The following SLC15A4 variants were observed in gnomAD, a reference collection of about 807,000 sequenced individuals.
SLC15A4 encodes solute carrier family 15 member 4.
In SLC15A4, 26 loss-of-function variants were observed where a neutral mutation model predicts 46.1. That is an observed-to-expected ratio of 0.56 (90% CI 0.41 to 0.78). The LOEUF (loss-of-function observed/expected upper bound fraction) is 0.78. Ranked by LOEUF, SLC15A4 falls within the 30% of genes least tolerant of loss-of-function variation. The probability of loss-of-function intolerance (pLI) is 0.00; values close to 1 mark genes in which losing one functional copy is unlikely to be tolerated. For missense variants in SLC15A4, 751 were observed against 755.7 expected (o/e 0.99, Z 0.07); for synonymous variants, 370 against 333.4 (o/e 1.11, Z -1.20).
intron 1 of SLC15A4, 99 bp downstream of exon 1, chr12:128,823,299 T>C: frequency 8.5e-7 from 1 of 1,175,478 alleles, no homozygotes; most frequent in South Asian, 2.1e-5. Context: ...GGCAAGGGGC[T>C]CCCTCCGCGG....
chr12:128,793,407 A>C lies in SLC15A4; in HGVS notation c.*789T>G, dbSNP rs950746041. On this transcript the variant is annotated 3_prime_UTR_variant, in exon 8 of 8. Transcript: ENST00000266771. ...TCAAAAGAATGTTTTCCTTACATACAACCATGATCAGTCTTTAGTCTCAAT... is the reference window on the plus strand; with the variant it reads ...TCAAAAGAATGTTTTCCTTACATACCACCATGATCAGTCTTTAGTCTCAAT... The C allele has an allele frequency of 6.6e-6, 1 of 152,220 alleles. No individual in the cohort carries two copies. The highest frequency in any genetic ancestry group is 1.5e-5 in the Non-Finnish European group (1 of 68,046). 9.4% of individuals were successfully genotyped at this position (152,220 alleles called of 1,614,324 possible). A position where few individuals can be genotyped will look rare whatever the true frequency, so the allele number is the denominator to read the frequency against.
intron 6 of SLC15A4, among the ~76,000 whole-genome samples, chr12:128,800,589 T>C (rs1955506389): frequency 6.6e-6 from 1 of 152,214 alleles, no homozygotes; most frequent in Non-Finnish European, 1.5e-5. Flanking sequence ...CCACGATTGC[T>C]TTCTTCTTCT....
At chr12:128,794,377 G>A in intron 7 of SLC15A4, 21 bp from the exon 8 acceptor site, 1 of 1,600,184 alleles carries the variant, frequency 6.2e-7, no homozygotes, top group Non-Finnish European at 8.5e-7. Flanking sequence ...CAAAAGGAAA[G>A]CGGCAGGTAA....
chr12:128,799,916 A>T (rs1955495298), intron 6 of SLC15A4, among the ~76,000 whole-genome samples: 2 of 152,234 alleles, frequency 1.3e-5, no homozygotes, highest in South Asian at 4.2e-4. Context: ...ATCTTGGCTC[A>T]CCGCAACTTC....
chr12:128,823,291 C>G (rs1955876043), intron 1 of SLC15A4, 107 bp downstream of exon 1: 1 of 1,125,706 alleles, frequency 8.9e-7, no homozygotes, highest in Admixed American at 4.1e-5. Context: ...CCCCCCGGGG[C>G]AAGGGGCTCC....
intron 5 of SLC15A4, among the ~76,000 whole-genome samples, chr12:128,804,328 A>G (rs191544685): frequency 1.0e-3 from 155 of 152,402 alleles, no homozygotes; most frequent in Non-Finnish European, 1.8e-3. Context: ...AAAACAAGAA[A>G]GAGAACATTA....
In SLC15A4 at chr12:128,823,438, G is replaced by A. The variant is rs1955879402; in HGVS notation, c.506C>T (p.Ala169Val). 6.8e-7 allele frequency: 1 copy of A among 1,462,490 alleles called. No individual in the cohort carries two copies. The highest frequency in any genetic ancestry group is 9.0e-7 in the Non-Finnish European group (1 of 1,114,924). The allele number at this position is 1,462,490 out of a possible 1,614,324, so 90.6% of individuals were successfully genotyped here. A position where few individuals can be genotyped will look rare whatever the true frequency, so the allele number is the denominator to read the frequency against. Residue 169 changes from alanine (A) to valine (V), a missense_variant, in exon 1 of 8, where the codon GCC becomes GTC. Ala to Val is a moderately conservative substitution (Grantham distance 64, BLOSUM62 0). Coordinates refer to ENST00000266771, the MANE Select transcript of SLC15A4 (RefSeq NM_145648.4). ...GGGCGTGATGTTGGCCTTGACGGTG[G>A]CCACGCCCAGGCCCACCAGCACCAG... is the stretch of plus-strand genomic sequence containing the variant. ...AGLVLVGLGV[A>V]TVKANITPFG...
chr12:128,806,165 CA>C lies in SLC15A4; in HGVS notation c.1258+2622del, dbSNP rs765448653. On this transcript the variant is annotated intron_variant, in intron 5 of 7. Coordinates refer to ENST00000266771, the MANE Select transcript of SLC15A4 (RefSeq NM_145648.4). Reference sequence around the variant, plus strand: ...AGCCTGGGCGACAGAGACTCTGTCTCAAAAAAAAAAAAAAAAAGAAAAACCT... The same window carrying C: ...AGCCTGGGCGACAGAGACTCTGTCTCAAAAAAAAAAAAAAAAGAAAAACCT... 5.3e-4 allele frequency among the ~76,000 whole-genome samples: 46 copies of C among 86,294 alleles called. 1 individual carries two copies. The highest frequency in any genetic ancestry group is 1.0e-3 in the Admixed American group (7 of 7,000). The allele number at this position is 86,294 out of a possible 152,430, so 56.6% of individuals were successfully genotyped here.
chr12:128,823,830 C>A lies in SLC15A4; in HGVS notation c.114G>T (p.Gly38=). ...CCAGCAGCTCCGTCAGCAGCACGGC[C>A]CCGCACGCCGCGCGCCGGCCCGCGA... ...GAFAGRRAAC[G]AVLLTELLER... Residue 38 remains glycine (G), a synonymous_variant, in exon 1 of 8, where the codon GGG becomes GGT. Coordinates refer to ENST00000266771, the MANE Select transcript of SLC15A4 (RefSeq NM_145648.4). 1 of 1,366,310 alleles carries A rather than the reference C, an allele frequency of 7.3e-7. No homozygotes were observed. Among genetic ancestry groups the A allele is most frequent in the Non-Finnish European group, 9.5e-7 (1 of 1,048,756 alleles). 84.6% of individuals were successfully genotyped at this position (1,366,310 alleles called of 1,614,324 possible).
intron 5 of SLC15A4, among the ~76,000 whole-genome samples, chr12:128,803,255 G>A (rs145260205): frequency 6.6e-6 from 1 of 152,224 alleles, no homozygotes; most frequent in East Asian, 1.9e-4. Flanking sequence ...TAAAGGAGAG[G>A]ACAGGCCAGG....
intron 2 of SLC15A4, chr12:128,813,264 A>C (rs4760534): frequency 1 from 151,432 of 151,632 alleles, 75,616 homozygotes; most frequent in Middle Eastern, 1. Flanking sequence ...TGGCTCACTG[A>C]AGCCTTGACC....
intron 5 of SLC15A4, among the ~76,000 whole-genome samples, chr12:128,804,503 G>A (rs1251519255): frequency 3.3e-5 from 5 of 152,186 alleles, no homozygotes; most frequent in African/African-American, 1.2e-4. Flanking sequence ...AGGCCAAGGT[G>A]GGCAGATCAC....
chr12:128,821,560 T>C (rs1008550091), intron 1 of SLC15A4, among the ~76,000 whole-genome samples: 6 of 152,196 alleles, frequency 3.9e-5, no homozygotes, highest in African/African-American at 1.4e-4. Flanking sequence ...AAATTTTCAC[T>C]GGTCACAAAT....
chr12:128,820,724 T>G (rs1955822042), intron 1 of SLC15A4, among the ~76,000 whole-genome samples: 1 of 152,242 alleles, frequency 6.6e-6, no homozygotes, highest in Non-Finnish European at 1.5e-5. Context: ...GATACTGTAC[T>G]TAGGTACTTA....
chr12:128,805,290 G>A (rs796504628), intron 5 of SLC15A4, among the ~76,000 whole-genome samples: 57 of 152,128 alleles, frequency 3.7e-4, no homozygotes, highest in African/African-American at 1.3e-3. Flanking sequence ...TGAGACTAAC[G>A]TTGAATCAAA....
chr12:128,808,808 A>C lies in SLC15A4; in HGVS notation c.1238T>G (p.Met413Arg), dbSNP rs189625027. Reference sequence around the variant, plus strand: ...CTTACCTGCAGCAAAGGCCGAGCACATGACAAAGAACATGCCCACGGCGAT... The same window carrying C: ...CTTACCTGCAGCAAAGGCCGAGCACCTGACAAAGAACATGCCCACGGCGAT... ...KRIAVGMFFV[M>R]CSAFAAGILE... The change falls in exon 5 of 8, where the codon ATG becomes AGG. Residue 413 changes from methionine (M) to arginine (R), a missense_variant. Physicochemically the swap from Met to Arg is moderately conservative, Grantham distance 91. Coordinates refer to ENST00000266771, the MANE Select transcript of SLC15A4 (RefSeq NM_145648.4). 12 of 1,614,184 alleles carry C rather than the reference A, an allele frequency of 7.4e-6. No individual in the cohort carries two copies. Among genetic ancestry groups the C allele is most frequent in the Non-Finnish European group, 1.0e-5 (12 of 1,180,014 alleles).
At chr12:128,823,311 C>G in intron 1 of SLC15A4, 87 bp downstream of exon 1, 1 of 1,249,880 alleles carries the variant, frequency 8.0e-7, no homozygotes, top group East Asian at 3.2e-5. Context: ...CCTCCGCGGT[C>G]AGAGGCAGGG....
Position 128,815,082 on chromosome 12 carries a change from G to A in SLC15A4, c.547-12C>T, listed in dbSNP as rs771170434. 1 of 1,602,272 alleles carries A rather than the reference G, an allele frequency of 6.2e-7. No individual in the cohort carries two copies. The highest frequency in any genetic ancestry group is 2.2e-5 in the East Asian group (1 of 44,574). Reference sequence around the variant, plus strand: ...CCTCGATCTTTAACCTAAAATAACAGGGAGGAAAGACACTTGAAAATATAT... The same window carrying A: ...CCTCGATCTTTAACCTAAAATAACAAGGAGGAAAGACACTTGAAAATATAT... On this transcript the variant is annotated splice_polypyrimidine_tract_variant and intron_variant, in intron 1 of 7. Transcript: ENST00000266771.
At chr12:128,799,472 G>T in intron 6 of SLC15A4, 55 bp from the exon 7 acceptor site, 1 of 1,593,724 alleles carries the variant, frequency 6.3e-7, no homozygotes, top group Non-Finnish European at 8.6e-7. Flanking sequence ...TAACACATGG[G>T]ATCAAAGCTT....
Sources: allele counts gnomAD v4.1 joint callset (sites outside exome capture counted in the v4.1 genomes callset), GRCh38; gene constraint gnomAD v4.1.1; transcripts MANE v1.5; gene names NCBI Gene and HGNC (gene_info 2026-07-23, HGNC 2026-07-21).